CFTR: variants seen among roughly 807,000 people sequenced by gnomAD.
CFTR encodes the protein CF transmembrane conductance regulator.
In CFTR, 181 loss-of-function variants were observed where a neutral mutation model predicts 171.6. That is an observed-to-expected ratio of 1.05 (90% CI 0.93 to 1.19). The LOEUF (loss-of-function observed/expected upper bound fraction) is 1.19. Ranked by LOEUF, CFTR falls within the 50% of genes most tolerant of loss-of-function variation. The pLI is 0.00. For missense variants in CFTR, 1,968 were observed against 1,734.7 expected (o/e 1.13, Z -2.39); for synonymous variants, 583 against 608.0 (o/e 0.96, Z 0.60).
intron 11 of CFTR, among the ~76,000 whole-genome samples, chr7:117,584,248 A>C (rs1296891322): frequency 6.6e-6 from 1 of 152,056 alleles, no homozygotes; most frequent in Non-Finnish European, 1.5e-5. Flanking sequence ...TTTTTACCTA[A>C]ACCAATGACT....
chr7:117,628,068 T>C (rs1455037657), intron 22 of CFTR, among the ~76,000 whole-genome samples: 1 of 152,178 alleles, frequency 6.6e-6, no homozygotes, highest in Admixed American at 6.6e-5. Context: ...TAACATGTTT[T>C]AGATTTCCCA....
chr7:117,592,980 T>C (rs146686062), intron 14 of CFTR, among the ~76,000 whole-genome samples: 1 of 152,178 alleles, frequency 6.6e-6, no homozygotes, highest in African/African-American at 2.4e-5. Flanking sequence ...TGGGAAGAGG[T>C]GCAGTATAAA....
rs761884881 is a variant in CFTR at position 117,542,038 on chromosome 7, A to G, written c.1139A>G (p.Tyr380Cys). The G allele has an allele frequency of 6.3e-6, 10 of 1,574,932 alleles. No individual in the cohort carries two copies. The South Asian group carries it at 6.7e-5, about 10-fold the overall frequency. ...TAGGATTTCTTACAAAAGCAAGAAT[A>G]TAAGACATTGGAATATAACTTAACG... ...KIQDFLQKQE[Y>C]KTLEYNLTTT... is the part of the protein sequence containing the mutation. The change falls in exon 9 of 27, where the codon TAT becomes TGT. Residue 380 changes from tyrosine to cysteine, a missense_variant. Coordinates refer to ENST00000003084, the MANE Select transcript of CFTR (RefSeq NM_000492.4).
At chr7:117,517,094 TTAC>T (rs1309247708) in intron 3 of CFTR, among the ~76,000 whole-genome samples, 1 of 152,118 alleles carries the variant, frequency 6.6e-6, no homozygotes, top group African/African-American at 2.4e-5. Context: ...AACAGGCAAC[TTAC>T]GGAATGGGAG....
At chr7:117,512,682 T>C (rs1286241213) in intron 3 of CFTR, among the ~76,000 whole-genome samples, 2 of 149,940 alleles carry the variant, frequency 1.3e-5, no homozygotes, top group Non-Finnish European at 3.0e-5. Context: ...AGAAACTGGC[T>C]GTTGAAAACC....
chr7:117,664,952 A>G, intron 25 of CFTR, 92 bp downstream of exon 25: 3 of 1,367,716 alleles, frequency 2.2e-6, no homozygotes, highest in South Asian at 1.2e-5. Context: ...TTAGGCTGTC[A>G]TGTCTGCGTG....
chr7:117,559,463 G>A lies in CFTR; in HGVS notation c.1393-1G>A, dbSNP rs397508200. 30 of 1,595,018 alleles carry A rather than the reference G, an allele frequency of 1.9e-5. No individual in the cohort carries two copies. In the South Asian group the frequency reaches 3.3e-4, roughly 18 times the overall value. ...CTAATAATGATGGGTTTTATTTCCA[G>A]ACTTCACTTCTAATGGTGATTATGG... On this transcript the variant is annotated splice_acceptor_variant, in intron 10 of 26. Coordinates refer to ENST00000003084, the MANE Select transcript of CFTR (RefSeq NM_000492.4). LOFTEE classifies it high-confidence loss of function.
chr7:117,480,285 G>A (rs924471667), intron 1 of CFTR, 138 bp downstream of exon 1: 2 of 794,246 alleles, frequency 2.5e-6, no homozygotes, highest in East Asian at 2.6e-5. Context: ...GAAAGAAAAT[G>A]TGGGTATTGT....
intron 1 of CFTR, among the ~76,000 whole-genome samples, chr7:117,497,609 G>GT (rs1798259622): frequency 2.0e-5 from 3 of 152,100 alleles, no homozygotes; most frequent in Admixed American, 6.6e-5. Context: ...CTTTAGTTCA[G>GT]TTTTTTTCAA....
chr7:117,556,811 G>A (rs1163656293), intron 10 of CFTR, among the ~76,000 whole-genome samples: 5 of 151,716 alleles, frequency 3.3e-5, no homozygotes, highest in African/African-American at 7.3e-5. Flanking sequence ...GAGCCACCGC[G>A]CCCGGCCTGT....
rs121908790 is a variant in CFTR, at chr7:117,504,375, T to C, written c.164+12T>C. ...GAAAAATTGGAAAGGTATGTTCATG[T>C]ACATTGTTTAGTTGAAGAGAGAAAT... is the stretch of plus-strand genomic sequence containing the variant. On this transcript the variant is annotated intron_variant, in intron 2 of 26. Transcript: ENST00000003084. The C allele has an allele frequency of 2.4e-4, 303 of 1,260,782 alleles. 5 individuals carry two copies. In the South Asian group the frequency reaches 3.2e-3, roughly 13 times the overall value. 78.1% of individuals were successfully genotyped at this position (1,260,782 alleles called of 1,614,324 possible). A position where few individuals can be genotyped will look rare whatever the true frequency, so the allele number is the denominator to read the frequency against.
chr7:117,522,290 A>T (rs1291132491), intron 3 of CFTR, among the ~76,000 whole-genome samples: 1 of 152,224 alleles, frequency 6.6e-6, no homozygotes, highest in African/African-American at 2.4e-5. Flanking sequence ...GACTCTGCAG[A>T]CTCAGATCAT....
At chr7:117,565,972 C>A (rs1791595085) in intron 11 of CFTR, among the ~76,000 whole-genome samples, 1 of 152,058 alleles carries the variant, frequency 6.6e-6, no homozygotes, top group South Asian at 2.1e-4. Context: ...CTCCTGCTTT[C>A]CAGGTCTGGT....
chr7:117,585,782 C>A (rs1791924305), intron 11 of CFTR, among the ~76,000 whole-genome samples: 5 of 152,084 alleles, frequency 3.3e-5, no homozygotes, highest in Admixed American at 1.3e-4. Context: ...GCTGGGGCTA[C>A]AGGTGCATGC....
At chr7:117,530,547 A>T (rs568403193) in intron 3 of CFTR, among the ~76,000 whole-genome samples, 2 of 152,304 alleles carry the variant, frequency 1.3e-5, no homozygotes, top group South Asian at 4.1e-4. Flanking sequence ...GAAAGTTGTT[A>T]TGAAAAATAA....
At chr7:117,612,400 A>C (rs1200369110) in intron 20 of CFTR, among the ~76,000 whole-genome samples, 2 of 152,040 alleles carry the variant, frequency 1.3e-5, no homozygotes, top group Non-Finnish European at 2.9e-5. Flanking sequence ...AAAAAGAAGA[A>C]AAGAAAGTGC....
chr7:117,553,119 G>T (rs967785534), intron 10 of CFTR, among the ~76,000 whole-genome samples: 1 of 152,040 alleles, frequency 6.6e-6, no homozygotes, highest in African/African-American at 2.4e-5. Flanking sequence ...AAATCTGCTG[G>T]CACCTTGATC....
At chr7:117,597,825 A>T (rs63500661) in intron 15 of CFTR, among the ~76,000 whole-genome samples, 17 of 140,872 alleles carry the variant, frequency 1.2e-4, no homozygotes, top group Admixed American at 1.1e-3. Flanking sequence ...AAAAAAAAAA[A>T]GGGGCGGGGG....
At chr7:117,627,939 T>G (rs1189329321) in intron 22 of CFTR, 169 bp downstream of exon 22, 12 of 732,676 alleles carry the variant, frequency 1.6e-5, no homozygotes, top group African/African-American at 3.5e-5. Flanking sequence ...AATATGAAAT[T>G]TAATTTGCAG....
Sources: allele counts gnomAD v4.1 joint callset (sites outside exome capture counted in the v4.1 genomes callset), GRCh38; gene constraint gnomAD v4.1.1; transcripts MANE v1.5; gene names NCBI Gene and HGNC (gene_info 2026-07-23, HGNC 2026-07-21).